The following CDH4 variants were observed in gnomAD, a reference collection of about 807,000 sequenced individuals.
CDH4 encodes the protein cadherin 4, also known as cadherin-4.
A neutral mutation model predicts 86.0 loss-of-function variants in CDH4; 33 were observed. The observed-to-expected ratio is 0.38, with a 90% CI of 0.29 to 0.51. The LOEUF (loss-of-function observed/expected upper bound fraction) is 0.51. CDH4 is among the 20% of genes least tolerant of loss of function. CDH4 has a pLI of 0.86. For synonymous variants in CDH4, 555 were observed against 549.4 expected, an observed-to-expected ratio of 1.01 and a Z score of -0.14; for missense variants, 1,114 against 1,307.4, an observed-to-expected ratio of 0.85 and a Z score of 2.28.
At chr20:61,696,519 A>G (rs1005977180) in intron 2 of CDH4, among the ~76,000 whole-genome samples, 3 of 152,216 alleles carry the variant, frequency 2.0e-5, no homozygotes, top group African/African-American at 7.2e-5. Context: ...TGTACAGCAG[A>G]GCTCACTCCT....
At chr20:61,726,797 GTGCCATCATCACCATTGC>G (rs1280230136) in intron 2 of CDH4, among the ~76,000 whole-genome samples, 11 of 134,276 alleles carry the variant, frequency 8.2e-5, no homozygotes, top group Non-Finnish European at 1.6e-4. Flanking sequence ...GTCACCATTG[GTGCCATCATCACCATTGC>G]TGCCATCATC....
chr20:61,789,543 C>T (rs529677789), intron 4 of CDH4, among the ~76,000 whole-genome samples: 80 of 152,330 alleles, frequency 5.3e-4, no homozygotes, highest in African/African-American at 1.9e-3. Flanking sequence ...CTTATCTGAT[C>T]TAGTGGTTTC....
At chr20:61,461,645 A>G (rs2085443578) in intron 2 of CDH4, among the ~76,000 whole-genome samples, 1 of 152,144 alleles carries the variant, frequency 6.6e-6, no homozygotes, top group Non-Finnish European at 1.5e-5. Flanking sequence ...AGGGGCGATT[A>G]CATTTTTCCT....
chr20:61,383,743 G>A (rs1193424125), intron 2 of CDH4, among the ~76,000 whole-genome samples: 1 of 135,998 alleles, frequency 7.4e-6, no homozygotes, highest in Non-Finnish European at 1.5e-5. Context: ...TGATATATAT[G>A]AAGATATATG....
Position 61,351,390 on chromosome 20 carries a change from G to A in CDH4, c.169+96453G>A, listed in dbSNP as rs930628792. On this transcript the variant is annotated intron_variant, in intron 2 of 15. Transcript: ENST00000614565. ...TTCTACGCACACACTGTGCTATTTC[G>A]TATCAGGGACTTGGGCGTCTACAGA... Among the ~76,000 whole-genome samples, 11 of 152,276 alleles carry A rather than the reference G, an allele frequency of 7.2e-5. No individual in the cohort carries two copies. The East Asian group carries it at 1.2e-3, about 16-fold the overall frequency.
Position 61,450,947 on chromosome 20 carries a change from C to T in CDH4, c.169+196010C>T, listed in dbSNP as rs191776434. Among the ~76,000 whole-genome samples the T allele has an allele frequency of 4.1e-4, 62 of 151,994 alleles. No homozygotes were observed. In the East Asian group the frequency reaches 6.6e-3, roughly 16 times the overall value. Reference sequence around the variant, plus strand: ...ACCCAGGTCCTGAGGAGTCCCTGTGCTATCACAGAACACCAGATAGCCATG... The same window carrying T: ...ACCCAGGTCCTGAGGAGTCCCTGTGTTATCACAGAACACCAGATAGCCATG... On this transcript the variant is annotated intron_variant, in intron 2 of 15. Coordinates refer to ENST00000614565, the MANE Select transcript of CDH4 (RefSeq NM_001794.5).
chr20:61,296,239 GTGTA>G (rs1315685525), intron 2 of CDH4, among the ~76,000 whole-genome samples: 3 of 144,992 alleles, frequency 2.1e-5, no homozygotes, highest in Non-Finnish European at 4.5e-5. Flanking sequence ...TAATGAGTGT[GTGTA>G]TGTGTGTGTG....
chr20:61,283,467 G>A (rs1297160893), intron 2 of CDH4, among the ~76,000 whole-genome samples: 8 of 139,988 alleles, frequency 5.7e-5, no homozygotes, highest in East Asian at 2.2e-4. Context: ...GCGTTTGCAC[G>A]CGTGTGCTGT....
intron 2 of CDH4, among the ~76,000 whole-genome samples, chr20:61,362,132 G>A (rs2084786617): frequency 6.6e-6 from 1 of 152,238 alleles, no homozygotes; most frequent in South Asian, 2.1e-4. Flanking sequence ...TGAGACCTGA[G>A]AAGCAAGAAA....
intron 2 of CDH4, among the ~76,000 whole-genome samples, chr20:61,333,501 A>G (rs960730109): frequency 6.6e-6 from 1 of 152,166 alleles, no homozygotes; most frequent in Admixed American, 6.5e-5. Flanking sequence ...CAGAGCTCTC[A>G]CCTGGTTCCA....
At chr20:61,804,202 A>G (rs1443414300) in intron 4 of CDH4, among the ~76,000 whole-genome samples, 1 of 152,196 alleles carries the variant, frequency 6.6e-6, no homozygotes, top group African/African-American at 2.4e-5. Context: ...TGCTGTGCTG[A>G]GGACGGGGCT....
At chr20:61,746,187 T>G (rs570424229) in intron 3 of CDH4, among the ~76,000 whole-genome samples, 10 of 152,208 alleles carry the variant, frequency 6.6e-5, no homozygotes, top group African/African-American at 1.7e-4. Flanking sequence ...TGAGTGATTA[T>G]TACAAGCCAC....
At chr20:61,616,941 G>C (rs1600810257) in intron 2 of CDH4, among the ~76,000 whole-genome samples, 2 of 152,072 alleles carry the variant, frequency 1.3e-5, no homozygotes, top group African/African-American at 2.4e-5. Flanking sequence ...CTGGGTGGAG[G>C]GGGGTGACTG....
At chr20:61,355,677 G>A (rs997531781) in intron 2 of CDH4, among the ~76,000 whole-genome samples, 1 of 152,226 alleles carries the variant, frequency 6.6e-6, no homozygotes, top group African/African-American at 2.4e-5. Flanking sequence ...TTAAGACAAA[G>A]GGAGAAACCA....
intron 2 of CDH4, among the ~76,000 whole-genome samples, chr20:61,583,930 G>A (rs1252402619): frequency 2.2e-4 from 33 of 152,142 alleles, no homozygotes; most frequent in Non-Finnish European, 1.3e-4. Context: ...AGGCTGAGGC[G>A]GGTGGATTGC....
At chr20:61,306,372 C>G (rs2084417461) in intron 2 of CDH4, among the ~76,000 whole-genome samples, 1 of 151,094 alleles carries the variant, frequency 6.6e-6, no homozygotes, top group South Asian at 2.1e-4. Context: ...GAGTCTCGCT[C>G]TGTCACCCAG....
intron 2 of CDH4, among the ~76,000 whole-genome samples, chr20:61,609,563 A>G (rs1260927624): frequency 6.6e-6 from 1 of 152,168 alleles, no homozygotes; most frequent in Non-Finnish European, 1.5e-5. Context: ...TCTTGGAGAG[A>G]AGGTGGAGAC....
At chr20:61,653,173 CA>C (rs1351056157) in intron 2 of CDH4, among the ~76,000 whole-genome samples, 1 of 128,304 alleles carries the variant, frequency 7.8e-6, no homozygotes, top group East Asian at 2.0e-4. Context: ...ATCTGTTTAA[CA>C]AAGCACATCT....
chr20:61,887,074 G>T (rs1185904906), intron 7 of CDH4, among the ~76,000 whole-genome samples: 3 of 152,172 alleles, frequency 2.0e-5, no homozygotes, highest in African/African-American at 7.2e-5. Flanking sequence ...TCCCATGACC[G>T]CCTCATGAGC....
Sources: allele counts gnomAD v4.1 joint callset (sites outside exome capture counted in the v4.1 genomes callset), GRCh38; gene constraint gnomAD v4.1.1; transcripts MANE v1.5; gene names NCBI Gene and HGNC (gene_info 2026-07-23, HGNC 2026-07-21).